Variants in TMCC1 observed in about 807,000 individuals in gnomAD.
The protein encoded by TMCC1 is transmembrane and coiled-coil domain family 1.
TMCC1 carries 15 observed loss-of-function variants against 52.4 expected under a neutral mutation model. The observed-to-expected ratio is 0.29, with a 90% CI of 0.19 to 0.44. The LOEUF (loss-of-function observed/expected upper bound fraction) is 0.44. Among genes scored for constraint, TMCC1 ranks in the 20% least tolerant of loss-of-function variants. The pLI, the probability that TMCC1 is intolerant of heterozygous loss-of-function variation, is 1.00. For synonymous variants in TMCC1, 279 were observed against 301.9 expected (o/e 0.92, Z 0.79); for missense variants, 503 against 806.0 (o/e 0.62, Z 4.55).
chr3:129,725,802 T>G (rs968031263), intron 4 of TMCC1, among the ~76,000 whole-genome samples: 4 of 152,176 alleles, frequency 2.6e-5, no homozygotes, highest in African/African-American at 9.7e-5. Flanking sequence ...ACAACCGTAC[T>G]AAATTTTTTA....
chr3:129,822,640 C>T (rs2058474570), intron 4 of TMCC1, among the ~76,000 whole-genome samples: 1 of 152,168 alleles, frequency 6.6e-6, no homozygotes, highest in Non-Finnish European at 1.5e-5. Flanking sequence ...CTTCAATTCT[C>T]TGGCATGCTC....
intron 4 of TMCC1, among the ~76,000 whole-genome samples, chr3:129,705,032 T>C (rs1210986041): frequency 6.6e-6 from 1 of 152,184 alleles, no homozygotes; most frequent in Non-Finnish European, 1.5e-5. Context: ...ATAGAGAAAG[T>C]ACAGAAAATT....
At position 129,869,841 on chromosome 3, in the gene TMCC1, C is replaced by T. The variant is rs146663291; in HGVS notation, c.-184+10468G>A. Among the ~76,000 whole-genome samples, 1,300 of 152,314 alleles carry T rather than the reference C, an allele frequency of 8.5e-3. 12 individuals carry two copies. The highest frequency in any genetic ancestry group is 0.044 in the Middle Eastern group (13 of 294). On this transcript the variant is annotated intron_variant, in intron 2 of 6. Transcript: ENST00000393238. ...AATTTTATGCCATCTACATGCCAGG[C>T]ATTAAGCTCAGCATAAATTATTTGC...
rs556409443 is a variant in TMCC1, at chr3:129,836,326, A to G, written c.-183-3500T>C. ...TCAAATAAAGGGAGAGGGTAGAAAT[A>G]TAGATTTGAATAGCATGAACAAACT... On this transcript the variant is annotated intron_variant, in intron 2 of 6. Transcript: ENST00000393238. Among the ~76,000 whole-genome samples the G allele has an allele frequency of 3.9e-4, 60 of 152,336 alleles. 2 individuals are homozygous for G. The South Asian group carries it at 0.012, about 31-fold the overall frequency.
At chr3:129,672,126 T>C (rs1327189642) in intron 4 of TMCC1, among the ~76,000 whole-genome samples, 3 of 152,160 alleles carry the variant, frequency 2.0e-5, no homozygotes, top group Admixed American at 6.5e-5. Flanking sequence ...TCAAAGGAGT[T>C]GAAGAAAAAG....
chr3:129,777,873 C>A (rs951594796), intron 4 of TMCC1, among the ~76,000 whole-genome samples: 6 of 152,154 alleles, frequency 3.9e-5, no homozygotes, highest in African/African-American at 1.4e-4. Flanking sequence ...CACTGGGGAA[C>A]ATGAGGGTGA....
intron 2 of TMCC1, chr3:129,847,894 T>A (rs1039066595): frequency 3.3e-4 from 50 of 152,208 alleles, no homozygotes; most frequent in African/African-American, 1.2e-3. Context: ...CTCATTATGG[T>A]TTAAATTTAT....
intron 4 of TMCC1, among the ~76,000 whole-genome samples, chr3:129,711,407 A>G (rs2048672538): frequency 6.6e-6 from 1 of 152,200 alleles, no homozygotes; most frequent in African/African-American, 2.4e-5. Context: ...ACAACTTACT[A>G]ATTAGTACAA....
intron 4 of TMCC1, among the ~76,000 whole-genome samples, chr3:129,804,123 A>G (rs1004885037): frequency 1.3e-5 from 2 of 152,194 alleles, no homozygotes; most frequent in Non-Finnish European, 2.9e-5. Flanking sequence ...AAAAGCCCCA[A>G]AGACCACATG....
chr3:129,797,724 G>A (rs575763696), intron 4 of TMCC1, among the ~76,000 whole-genome samples: 26 of 152,234 alleles, frequency 1.7e-4, no homozygotes, highest in African/African-American at 4.8e-4. Flanking sequence ...CAGCCTGGGC[G>A]ACAGAGAGAC....
At position 129,668,049 on chromosome 3, in the gene TMCC1, G is replaced by A. The variant is rs532589594; in HGVS notation, c.1511+2281C>T. Among the ~76,000 whole-genome samples, 5 of 152,202 alleles carry A rather than the reference G, an allele frequency of 3.3e-5. No individual in the cohort carries two copies. In the South Asian group the frequency reaches 1.0e-3, roughly 32 times the overall value. ...AAAAGAATTAAAAAACGAGCCAAGC[G>A]TGGTGGTGCACACCTGTAGTCCCAG... On this transcript the variant is annotated intron_variant, in intron 5 of 6. Transcript: ENST00000393238.
At chr3:129,714,331 C>CAATTTACA (rs1316063662) in intron 4 of TMCC1, among the ~76,000 whole-genome samples, 2 of 152,152 alleles carry the variant, frequency 1.3e-5, no homozygotes, top group Admixed American at 1.3e-4. Flanking sequence ...AAGACTGCAG[C>CAATTTACA]AATTTACACT....
intron 4 of TMCC1, among the ~76,000 whole-genome samples, chr3:129,717,897 C>T (rs1437485157): frequency 6.6e-6 from 1 of 152,108 alleles, no homozygotes; most frequent in African/African-American, 2.4e-5. Flanking sequence ...TCACATCAGT[C>T]CTCTGCTTAA....
At chr3:129,842,510 G>GCAGATA (rs1246468498) in intron 2 of TMCC1, among the ~76,000 whole-genome samples, 2 of 148,812 alleles carry the variant, frequency 1.3e-5, no homozygotes, top group East Asian at 3.9e-4. Context: ...ACACACGTAA[G>GCAGATA]CAGATAGATG....
At chr3:129,867,960 A>T (rs946958265) in intron 2 of TMCC1, among the ~76,000 whole-genome samples, 1 of 152,186 alleles carries the variant, frequency 6.6e-6, no homozygotes, top group African/African-American at 2.4e-5. Context: ...ACGTGCCAAG[A>T]ACTCTGCTAG....
chr3:129,778,699 T>C (rs928934409), intron 4 of TMCC1, among the ~76,000 whole-genome samples: 22 of 150,836 alleles, frequency 1.5e-4, no homozygotes, highest in African/African-American at 5.1e-4. Context: ...CTCCCCATGC[T>C]GTTCTCATGA....
intron 4 of TMCC1, among the ~76,000 whole-genome samples, chr3:129,723,191 A>C (rs1333681131): frequency 6.6e-6 from 1 of 152,150 alleles, no homozygotes; most frequent in African/African-American, 2.4e-5. Flanking sequence ...GTGTTGAATA[A>C]AGCTGGATCA....
intron 5 of TMCC1, among the ~76,000 whole-genome samples, chr3:129,663,365 A>AT (rs2087191133): frequency 2.6e-5 from 4 of 152,220 alleles, no homozygotes; most frequent in African/African-American, 9.6e-5. Flanking sequence ...CCCACAGGCA[A>AT]CTATGGGAGA....
At chr3:129,802,910 T>C (rs1338940802) in intron 4 of TMCC1, among the ~76,000 whole-genome samples, 1 of 152,234 alleles carries the variant, frequency 6.6e-6, no homozygotes, top group Non-Finnish European at 1.5e-5. Flanking sequence ...GACTGGGTAA[T>C]TTAAAAAGAA....
Sources: allele counts gnomAD v4.1 joint callset (sites outside exome capture counted in the v4.1 genomes callset), GRCh38; gene constraint gnomAD v4.1.1; transcripts MANE v1.5; gene names NCBI Gene and HGNC (gene_info 2026-07-23, HGNC 2026-07-21).